Variants in TOP1MT observed in about 807,000 individuals in gnomAD.
The protein encoded by TOP1MT is DNA topoisomerase I, mitochondrial.
Under a neutral mutation model 73.9 loss-of-function variants are expected in TOP1MT, and 80 were observed. The observed-to-expected ratio is 1.08, with a 90% CI of 0.90 to 1.30. The LOEUF is 1.30. Among genes scored for constraint, TOP1MT ranks in the 50% most tolerant of loss-of-function variants. The pLI, the probability that TOP1MT is intolerant of heterozygous loss-of-function variation, is 0.00. For missense variants in TOP1MT, 815 were observed against 808.0 expected (o/e 1.01, Z -0.10); for synonymous variants, 338 against 326.4 (o/e 1.04, Z -0.38).
At chr8:143,325,672 G>T in intron 4 of TOP1MT, 139 bp from the exon 5 acceptor site, 1 of 793,194 alleles carries the variant, frequency 1.3e-6, no homozygotes, top group Non-Finnish European at 2.0e-6. Flanking sequence ...AATCCATGGA[G>T]GTTGCAGGGG....
At chr8:143,346,953 C>CTTTCTTTATTTATTTATTTAATTA (rs112672257), upstream of TOP1MT, among the ~76,000 whole-genome samples, 13 of 140,924 alleles carry the variant, frequency 9.2e-5, no homozygotes, top group African/African-American at 2.6e-4. Flanking sequence ...AGCCTCACTT[C>CTTTCTTTATTTATTTATTTAATTA]TTTATTTATT....
In TOP1MT at chr8:143,344,151, T is replaced by C. The variant is rs1817179801; in HGVS notation, c.-39+765A>G. 6.6e-6 allele frequency: 1 copy of C among 152,160 alleles called. No individual in the cohort carries two copies. Among genetic ancestry groups the C allele is most frequent in the Non-Finnish European group, 1.5e-5 (1 of 68,056 alleles). 9.4% of individuals were successfully genotyped at this position (152,160 alleles called of 1,614,324 possible). ...CATGTGGAATCTAGGCCCTCAAGGA[T>C]GGGGCCCTCAAAGATGACACCAAGG... On this transcript the variant is annotated intron_variant, in intron 1 of 5. Coordinates refer to the TOP1MT transcript ENST00000518007. The surrounding 1 kb of genome is among the most constrained non-coding windows in gnomAD (Gnocchi z 4.6).
intron 12 of TOP1MT, among the ~76,000 whole-genome samples, chr8:143,313,580 G>A (rs1816070411): frequency 6.7e-6 from 1 of 150,184 alleles, no homozygotes; most frequent in African/African-American, 2.5e-5. Flanking sequence ...AGGGCTGGGA[G>A]TAGTGACTCA....
upstream of TOP1MT, among the ~76,000 whole-genome samples, chr8:143,359,013 TGG>T (rs1817459729): frequency 3.3e-5 from 5 of 151,046 alleles, no homozygotes; most frequent in African/African-American, 1.2e-4. Context: ...TTCTGTTTTT[TGG>T]TTTTTTTTTT....
At chr8:143,331,464 G>A (rs1816853893) in intron 1 of TOP1MT, 125 bp from the exon 2 acceptor site, 2 of 717,940 alleles carry the variant, frequency 2.8e-6, no homozygotes, top group East Asian at 2.8e-5. Flanking sequence ...CACCTCACGG[G>A]GGAGGAAAAC....
In TOP1MT at chr8:143,310,124, C is replaced by G. The variant is rs199766362; in HGVS notation, c.1647G>C (p.Gln549His). ...VQATDKEENKQVALGTSKLNY... is the reference protein window; with the variant it reads ...VQATDKEENKHVALGTSKLNY... ...TGAGCTTGGACGTGCCCAGGGCCAC[C>G]TGCTTGTTCTCCTCCTTGTCCGTGG... is the stretch of plus-strand genomic sequence containing the variant. Residue 549 changes from glutamine to histidine, a missense_variant, in exon 13 of 14, where the codon CAG becomes CAC. By Grantham distance (24) the Gln-to-His change is conservative (BLOSUM62 0). Transcript: ENST00000329245. The G allele has an allele frequency of 6.2e-7, 1 of 1,613,686 alleles. No individual in the cohort carries two copies. The highest frequency in any genetic ancestry group is 1.3e-5 in the African/African-American group (1 of 75,072).
At position 143,317,761 on chromosome 8, in the gene TOP1MT, G is replaced by A. The variant is rs1241676067; in HGVS notation, c.1292C>T (p.Ser431Phe). ...CCGCAGCTGCTCCTGCAGAGTGATG[G>A]AGGCGTTGTAGGTCCGGAACACCTT... ...TAKVFRTYNA[S>F]ITLQEQLRAL... Residue 431 changes from serine (S) to phenylalanine (F), a missense_variant, in exon 10 of 14, where the codon TCC (serine) becomes TTC (phenylalanine). Ser to Phe is a radical substitution (Grantham distance 155). Around this residue, in one of 3 missense-constraint regions of TOP1MT, gnomAD observed 751 missense variants for 725.4 expected, o/e 1.04. Coordinates refer to ENST00000329245, the MANE Select transcript of TOP1MT (RefSeq NM_052963.3). 6.2e-7 allele frequency: 1 copy of A among 1,614,120 alleles called. No individual in the cohort carries two copies.
chr8:143,322,734 A>ACAGG (rs1816516932), intron 7 of TOP1MT, among the ~76,000 whole-genome samples: 1 of 12,302 alleles, frequency 8.1e-5, no homozygotes, highest in Admixed American at 1.1e-3. Context: ...GGCACGCCAC[A>ACAGG]CACGCCACAC....
chr8:143,345,855 AC>A (rs1817211689), upstream of TOP1MT, among the ~76,000 whole-genome samples: 2 of 152,326 alleles, frequency 1.3e-5, no homozygotes, highest in Non-Finnish European at 2.9e-5. Flanking sequence ...TTATCTAACA[AC>A]CCACTGTTAA....
At chr8:143,322,532 A>C (rs893047026) in intron 7 of TOP1MT, among the ~76,000 whole-genome samples, 153 of 47,944 alleles carry the variant, frequency 3.2e-3, no homozygotes, top group East Asian at 0.01. Context: ...AGGCACGCCA[A>C]AGATGCACGC....
Position 143,310,061 on chromosome 8 carries a change from C to T in TOP1MT, c.1703+7G>A, listed in dbSNP as rs766883202. On this transcript the variant is annotated splice_region_variant and intron_variant, in intron 13 of 13. Transcript: ENST00000329245. Reference sequence around the variant, plus strand: ...CAGGTGGGAACTGAGACCCCAGGCACACGCACCAGGCAATGCTGATCCTGG... The same window carrying T: ...CAGGTGGGAACTGAGACCCCAGGCATACGCACCAGGCAATGCTGATCCTGG... 1 of 1,611,376 alleles carries T rather than the reference C, an allele frequency of 6.2e-7. No homozygotes were observed. The highest frequency in any genetic ancestry group is 8.5e-7 in the Non-Finnish European group (1 of 1,179,852).
intron 12 of TOP1MT, 37 bp from the exon 13 acceptor site, chr8:143,310,254 G>C (rs887981673): frequency 6.9e-7 from 1 of 1,446,078 alleles, no homozygotes; most frequent in South Asian, 1.4e-5. Context: ...GCCCCGCGCT[G>C]GACTAGCGCC....
Position 143,324,053 on chromosome 8 carries a change from C to T in TOP1MT, c.906G>A (p.Lys302=). 2 of 1,613,916 alleles carry T rather than the reference C, an allele frequency of 1.2e-6. No individual in the cohort carries two copies. The highest frequency in any genetic ancestry group is 1.7e-6 in the Non-Finnish European group (2 of 1,180,038). ...GCTGTCTCGTCTTCATTTCCCGAGA[C>T]TTCCAGTCAGCCCGGTACTGGGAGC... is the stretch of plus-strand genomic sequence containing the variant. ...EIRSQYRADW[K]SREMKTRQRA... is the part of the protein sequence containing the mutation. The change falls in exon 7 of 14, where the codon AAG becomes AAA. Residue 302 remains lysine (K), a synonymous_variant. Coordinates refer to ENST00000329245, the MANE Select transcript of TOP1MT (RefSeq NM_052963.3).
rs34073373 is a variant in TOP1MT at position 143,313,550 on chromosome 8, C to CAAAAA, written c.1553+2172_1553+2176dup. The stretch of plus-strand genomic sequence containing the variant: ...GGGTGACAGAGCAAGACTCCATCAC[C>CAAAAA]AAAAAAAAAAAAAAAAAATAGGGCT... On this transcript the variant is annotated intron_variant, in intron 12 of 13. Coordinates refer to ENST00000329245, the MANE Select transcript of TOP1MT (RefSeq NM_052963.3). 2.3e-4 allele frequency among the ~76,000 whole-genome samples: 24 copies of CAAAAA among 103,378 alleles called. No homozygotes were observed. The South Asian group carries it at 2.5e-3, about 11-fold the overall frequency. The allele number at this position is 103,378 out of a possible 152,430, so 67.8% of individuals were successfully genotyped here.
chr8:143,342,567 T>C (rs1331436377), intron 2 of TOP1MT, among the ~76,000 whole-genome samples: 16 of 126,120 alleles, frequency 1.3e-4, no homozygotes, highest in African/African-American at 4.6e-4. Context: ...AGAGACAGAG[T>C]CTCGCTCTGT....
rs111890159 is a variant in TOP1MT at position 143,313,690 on chromosome 8, C to T, written c.1553+2037G>A. On this transcript the variant is annotated intron_variant, in intron 12 of 13. Coordinates refer to ENST00000329245, the MANE Select transcript of TOP1MT (RefSeq NM_052963.3). The stretch of plus-strand genomic sequence containing the variant: ...GCAACATGGTGAAACCCCGTCTCTA[C>T]TAAAATACAAAAAAATTAGCCGGGC... Among the ~76,000 whole-genome samples, 268 of 151,242 alleles carry T rather than the reference C, an allele frequency of 1.8e-3. 3 individuals carry two copies. Among genetic ancestry groups the T allele is most frequent in the African/African-American group, 6.3e-3 (259 of 41,176 alleles).
chr8:143,313,711 C>T (rs1440092336), intron 12 of TOP1MT, among the ~76,000 whole-genome samples: 2 of 151,290 alleles, frequency 1.3e-5, no homozygotes, highest in Non-Finnish European at 2.9e-5. Context: ...AAAAATTAGC[C>T]GGGCATGGTG....
chr8:143,323,244 CACACAG>C (rs1376881373), intron 7 of TOP1MT, among the ~76,000 whole-genome samples: 2 of 131,124 alleles, frequency 1.5e-5, no homozygotes, highest in Non-Finnish European at 1.6e-5. Context: ...GCACGCCACA[CACACAG>C]GCACGCCACA....
At chr8:143,342,858 C>T (rs886522037) in intron 2 of TOP1MT, among the ~76,000 whole-genome samples, 4 of 149,286 alleles carry the variant, frequency 2.7e-5, no homozygotes, top group East Asian at 2.0e-4. Flanking sequence ...GATCTCGGCT[C>T]ACTGCAACCT....
Sources: allele counts gnomAD v4.1 joint callset (sites outside exome capture counted in the v4.1 genomes callset), GRCh38; gene constraint gnomAD v4.1.1; regional missense constraint gnomAD v4.1.1; non-coding constraint Gnocchi (gnomAD v3.1); transcripts MANE v1.5; gene names NCBI Gene and HGNC (gene_info 2026-07-23, HGNC 2026-07-21).